The following NRG3 variants were observed in gnomAD, a reference collection of about 807,000 sequenced individuals.
NRG3 encodes neuregulin 3, also known as pro-neuregulin-3, membrane-bound isoform.
A neutral mutation model predicts 66.9 loss-of-function variants in NRG3; 31 were observed. That is an observed-to-expected ratio of 0.46 (90% CI 0.35 to 0.63). The LOEUF (loss-of-function observed/expected upper bound fraction) is 0.63, where lower values mean the gene tolerates loss of function less well. NRG3 is among the 20% of genes least tolerant of loss of function. The pLI is 0.00. For synonymous variants in NRG3, 393 were observed against 359.4 expected, an observed-to-expected ratio of 1.09 and a Z score of -1.06; for missense variants, 910 against 878.9, an observed-to-expected ratio of 1.04 and a Z score of -0.45.
chr10:82,279,753 A>G (rs2079038275), intron 1 of NRG3, among the ~76,000 whole-genome samples: 1 of 152,184 alleles, frequency 6.6e-6, no homozygotes, highest in Admixed American at 6.6e-5. Flanking sequence ...CCATGTGTTG[A>G]TGTGATTGAT....
intron 2 of NRG3, among the ~76,000 whole-genome samples, chr10:82,535,025 C>T (rs369766373): frequency 1.0e-4 from 15 of 150,732 alleles, no homozygotes; most frequent in Middle Eastern, 3.4e-3. Context: ...CATGGTGGTG[C>T]GCCTCTGTAA....
chr10:82,887,400 C>T (rs1201951337), intron 4 of NRG3, among the ~76,000 whole-genome samples: 1 of 152,114 alleles, frequency 6.6e-6, no homozygotes, highest in Non-Finnish European at 1.5e-5. Flanking sequence ...GAGTTTATGG[C>T]AAATAGAATT....
At chr10:81,891,707 A>G (rs1225888475) in intron 1 of NRG3, among the ~76,000 whole-genome samples, 1 of 152,226 alleles carries the variant, frequency 6.6e-6, no homozygotes, top group East Asian at 1.9e-4. Context: ...AAAGTAATTA[A>G]GACACAGTGG....
At chr10:82,204,228 A>G (rs1278375645) in intron 1 of NRG3, among the ~76,000 whole-genome samples, 1 of 152,194 alleles carries the variant, frequency 6.6e-6, no homozygotes, top group East Asian at 1.9e-4. Flanking sequence ...CAAGGCAACT[A>G]TTGTTAGTTT....
chr10:82,712,009 A>G (rs2056699614), intron 2 of NRG3, among the ~76,000 whole-genome samples: 1 of 152,188 alleles, frequency 6.6e-6, no homozygotes, highest in Admixed American at 6.5e-5. Context: ...ATGCCTCCAT[A>G]TTTCTCCATT....
intron 1 of NRG3, among the ~76,000 whole-genome samples, chr10:81,982,537 G>C (rs2060367748): frequency 6.6e-6 from 1 of 152,110 alleles, no homozygotes; most frequent in South Asian, 2.1e-4. Context: ...AAATACCACA[G>C]ACAACAAAAA....
chr10:82,688,397 T>C (rs1345531940), intron 2 of NRG3, among the ~76,000 whole-genome samples: 3 of 152,210 alleles, frequency 2.0e-5, no homozygotes, highest in Non-Finnish European at 2.9e-5. Flanking sequence ...ATCACTACCA[T>C]GTTCTTTCCT....
intron 1 of NRG3, among the ~76,000 whole-genome samples, chr10:81,915,743 G>A (rs538251970): frequency 1.8e-4 from 27 of 152,190 alleles, no homozygotes; most frequent in African/African-American, 5.8e-4. Context: ...GAGCCTCCTC[G>A]ATGAGAATGC....
At chr10:82,882,518 G>A (rs1842396301) in intron 4 of NRG3, among the ~76,000 whole-genome samples, 2 of 152,152 alleles carry the variant, frequency 1.3e-5, no homozygotes, top group South Asian at 4.1e-4. Context: ...AAAGGATGGT[G>A]GAGGGAATGG....
At chr10:82,018,118 G>A (rs2061875367) in intron 1 of NRG3, among the ~76,000 whole-genome samples, 2 of 152,148 alleles carry the variant, frequency 1.3e-5, no homozygotes, top group Non-Finnish European at 2.9e-5. Context: ...TGTGTAAGGT[G>A]TAAGGAAGGG....
intron 2 of NRG3, among the ~76,000 whole-genome samples, chr10:82,672,129 T>G (rs897618125): frequency 6.6e-6 from 1 of 152,172 alleles, no homozygotes; most frequent in African/African-American, 2.4e-5. Context: ...ATGAAGATGA[T>G]TTTCCTGAGA....
At chr10:81,971,906 C>T (rs1011837099) in intron 1 of NRG3, among the ~76,000 whole-genome samples, 1 of 152,178 alleles carries the variant, frequency 6.6e-6, no homozygotes, top group African/African-American at 2.4e-5. Context: ...TAAAGGGATG[C>T]TTTGGGTATT....
intron 3 of NRG3, among the ~76,000 whole-genome samples, chr10:82,847,928 C>A (rs1409972156): frequency 6.6e-6 from 1 of 152,110 alleles, no homozygotes; most frequent in Non-Finnish European, 1.5e-5. Context: ...TATTTGCTAA[C>A]TTTAAATAAG....
At chr10:82,182,656 A>G (rs962875219) in intron 1 of NRG3, among the ~76,000 whole-genome samples, 7 of 151,964 alleles carry the variant, frequency 4.6e-5, no homozygotes, top group African/African-American at 1.7e-4. Context: ...CAGAATTAAA[A>G]TTGATTTATG....
intron 1 of NRG3, among the ~76,000 whole-genome samples, chr10:81,982,061 G>A (rs1414662497): frequency 6.6e-6 from 1 of 151,824 alleles, no homozygotes; most frequent in African/African-American, 2.4e-5. Context: ...TCAAGTTCTG[G>A]TTGCTTTTTG....
rs370797456 is a variant in NRG3, at chr10:82,318,572, C to A, written c.824-40167C>A. On this transcript the variant is annotated intron_variant, in intron 1 of 8. Coordinates refer to ENST00000372141, the MANE Select transcript of NRG3 (RefSeq NM_001010848.4). ...TGAGTCTATATTCTGGCCATAGTGA[C>A]TGTCTCGTGGCCCTCCTCATGCATG... 7.9e-5 allele frequency among the ~76,000 whole-genome samples: 12 copies of A among 152,306 alleles called. No homozygotes were observed. In the East Asian group the frequency reaches 1.9e-3, roughly 25 times the overall value.
intron 4 of NRG3, among the ~76,000 whole-genome samples, chr10:82,920,564 G>C (rs1846329850): frequency 6.6e-6 from 1 of 152,112 alleles, no homozygotes; most frequent in African/African-American, 2.4e-5. Context: ...CAGTATCTAT[G>C]AGCACACCTG....
At chr10:82,406,097 A>C (rs1165562370) in intron 2 of NRG3, among the ~76,000 whole-genome samples, 2 of 152,188 alleles carry the variant, frequency 1.3e-5, no homozygotes, top group Non-Finnish European at 2.9e-5. Context: ...AAAGTGATTG[A>C]TAAGCAGGAA....
Position 82,201,069 on chromosome 10 carries a change from C to T in NRG3, c.824-157670C>T, listed in dbSNP as rs1285011870. 4.0e-5 allele frequency among the ~76,000 whole-genome samples: 6 copies of T among 151,870 alleles called. No individual in the cohort carries two copies. In the East Asian group the frequency reaches 7.8e-4, roughly 20 times the overall value. ...AAAATTAGCCAGGTGTGGTGACAGG[C>T]GCCTGTTCTTCCAGCTACTTGGGAG... On this transcript the variant is annotated intron_variant, in intron 1 of 8. Coordinates refer to ENST00000372141, the MANE Select transcript of NRG3 (RefSeq NM_001010848.4).
Sources: gnomAD v4.1 joint callset for allele counts (sites outside exome capture counted in the v4.1 genomes callset) on GRCh38, gnomAD v4.1.1 for gene constraint, MANE v1.5 for transcripts, NCBI Gene and HGNC (gene_info 2026-07-23, HGNC 2026-07-21) for gene names.